The following SLC39A10 variants were observed in gnomAD, a reference collection of about 807,000 sequenced individuals.
SLC39A10 encodes the protein solute carrier family 39 member 10, also known as zinc transporter ZIP10.
In SLC39A10, 13 loss-of-function variants were observed where a neutral mutation model predicts 65.1. That is an observed-to-expected ratio of 0.20 (90% confidence interval 0.13 to 0.32). The LOEUF (loss-of-function observed/expected upper bound fraction) is 0.32, where lower values mean the gene tolerates loss of function less well. Among genes scored for constraint, SLC39A10 ranks in the 10% least tolerant of loss-of-function variants. The pLI, the probability that SLC39A10 is intolerant of heterozygous loss-of-function variation, is 1.00. For synonymous variants in SLC39A10, 321 were observed against 342.2 expected (o/e 0.94, Z 0.68); for missense variants, 831 against 1,018.4 (o/e 0.82, Z 2.50).
chr2:195,717,706 C>T (rs1212984564), intron 7 of SLC39A10, among the ~76,000 whole-genome samples: 2 of 152,062 alleles, frequency 1.3e-5, no homozygotes, highest in African/African-American at 4.8e-5. Flanking sequence ...AGGCATGAGC[C>T]ACCTGCTCAG....
At position 195,680,969 on chromosome 2, in the gene SLC39A10, A is replaced by C; in HGVS notation, c.927A>C (p.Arg309Ser). The C allele has an allele frequency of 6.2e-7, 1 of 1,614,134 alleles. No individual in the cohort carries two copies. ...PDNEGELRHT[R>S]KREAPHVKNN... The stretch of plus-strand genomic sequence containing the variant: ...ATGAAGGTGAACTTCGACATACTAG[A>C]AAGAGAGAAGCACCACATGTTAAAA... The change falls in exon 2 of 10, where the codon AGA becomes AGC. Residue 309 changes from arginine to serine, a missense_variant. Around this residue, in one of 4 missense-constraint regions of SLC39A10, gnomAD observed 446 missense variants for 499.2 expected, o/e 0.89. Coordinates refer to ENST00000359634, the MANE Select transcript of SLC39A10 (RefSeq NM_020342.3).
intron 9 of SLC39A10, among the ~76,000 whole-genome samples, chr2:195,731,407 T>C (rs1692429724): frequency 6.6e-6 from 1 of 152,202 alleles, no homozygotes. Flanking sequence ...CCTGCTTTAC[T>C]TTTTCTCCTT....
intron 1 of SLC39A10, chr2:195,671,822 C>G (rs562239709): frequency 6.6e-6 from 1 of 152,224 alleles, no homozygotes; most frequent in Non-Finnish European, 1.5e-5. Flanking sequence ...TTCTACTTCC[C>G]TTGATACTGA....
chr2:195,619,432 G>A (rs753313110), intron 2 of SLC39A10, among the ~76,000 whole-genome samples: 1 of 152,228 alleles, frequency 6.6e-6, no homozygotes, highest in Non-Finnish European at 1.5e-5. Context: ...GTTTGGGGAT[G>A]GAGAGATACT....
At chr2:195,633,436 G>A (rs1574206276) in intron 2 of SLC39A10, among the ~76,000 whole-genome samples, 1 of 152,328 alleles carries the variant, frequency 6.6e-6, no homozygotes, top group East Asian at 1.9e-4. Context: ...GAGTGGTACA[G>A]TGAGGCTCTT....
At chr2:195,659,223 C>T (rs1324445238) in intron 1 of SLC39A10, among the ~76,000 whole-genome samples, 9 of 152,152 alleles carry the variant, frequency 5.9e-5, no homozygotes, top group Non-Finnish European at 1.2e-4. Context: ...GCAAGAATGA[C>T]TTTGGTGCTA....
At chr2:195,715,160 A>C (rs1691743743) in intron 6 of SLC39A10, among the ~76,000 whole-genome samples, 1 of 152,202 alleles carries the variant, frequency 6.6e-6, no homozygotes, top group African/African-American at 2.4e-5. Context: ...TTTTAAAGAA[A>C]ATAAGTGATG....
At chr2:195,727,835 C>T (rs1692300407) in intron 8 of SLC39A10, among the ~76,000 whole-genome samples, 1 of 152,144 alleles carries the variant, frequency 6.6e-6, no homozygotes, top group South Asian at 2.1e-4. Context: ...ACAACCCTTG[C>T]CCCGTGCTCT....
chr2:195,707,927 T>C (rs1167724080), intron 4 of SLC39A10, among the ~76,000 whole-genome samples: 1 of 152,202 alleles, frequency 6.6e-6, no homozygotes, highest in Non-Finnish European at 1.5e-5. Flanking sequence ...ACTTATGTTC[T>C]ATAAGATTAC....
chr2:195,630,103 ATGTGTGTGTGTG>A (rs35865354), intron 2 of SLC39A10, among the ~76,000 whole-genome samples: 2 of 131,786 alleles, frequency 1.5e-5, no homozygotes, highest in African/African-American at 2.9e-5. Context: ...CTCATTTTAT[ATGTGTGTGTGTG>A]TGTGTGTGTG....
At chr2:195,630,758 A>G (rs1255851959) in intron 2 of SLC39A10, among the ~76,000 whole-genome samples, 2 of 152,254 alleles carry the variant, frequency 1.3e-5, no homozygotes, top group Non-Finnish European at 2.9e-5. Context: ...TCACACGACT[A>G]CTGGAAGAAC....
intron 8 of SLC39A10, among the ~76,000 whole-genome samples, chr2:195,722,376 T>A (rs1385204305): frequency 6.6e-6 from 1 of 152,172 alleles, no homozygotes; most frequent in Non-Finnish European, 1.5e-5. Flanking sequence ...CTTCTGGAGG[T>A]GACAGAAAGG....
intron 2 of SLC39A10, among the ~76,000 whole-genome samples, chr2:195,630,305 G>A (rs192954498): frequency 6.6e-5 from 10 of 152,060 alleles, no homozygotes; most frequent in Non-Finnish European, 1.0e-4. Context: ...TAGCATGTTT[G>A]TTGGTTTATT....
intron 2 of SLC39A10, among the ~76,000 whole-genome samples, chr2:195,637,557 A>T (rs1688718935): frequency 6.6e-6 from 1 of 152,228 alleles, no homozygotes. Flanking sequence ...CAGTCAAACA[A>T]TATTTGTATG....
chr2:195,653,612 G>T (rs1689085659), upstream of SLC39A10, among the ~76,000 whole-genome samples: 1 of 152,100 alleles, frequency 6.6e-6, no homozygotes, highest in South Asian at 2.1e-4. Context: ...GAATTTTAAA[G>T]TGAGGAGAAT....
intron 1 of SLC39A10, among the ~76,000 whole-genome samples, chr2:195,670,006 A>G (rs1689790798): frequency 6.6e-6 from 1 of 151,990 alleles, no homozygotes; most frequent in South Asian, 2.1e-4. Flanking sequence ...TAAAAATGCA[A>G]AAATTAGCTG....
chr2:195,657,338 C>G (rs1221642874), intron 1 of SLC39A10, 57 bp downstream of exon 1: 3 of 967,288 alleles, frequency 3.1e-6, no homozygotes, highest in Non-Finnish European at 3.7e-6. Context: ...GCCCCGTGCG[C>G]GGCGGAGACT....
At chr2:195,708,992 T>C (rs893773792) in intron 5 of SLC39A10, 148 bp downstream of exon 5, 4 of 613,718 alleles carry the variant, frequency 6.5e-6, no homozygotes, top group Non-Finnish European at 1.0e-5. Context: ...AAAAGCTGAC[T>C]TTGGTTTTTT....
At chr2:195,623,905 A>T (rs1688403395) in intron 2 of SLC39A10, among the ~76,000 whole-genome samples, 1 of 50,022 alleles carries the variant, frequency 2.0e-5, no homozygotes, top group East Asian at 8.3e-4. Flanking sequence ...AAAAAACCAC[A>T]CACACACACA....
Sources: gnomAD v4.1 joint callset for allele counts (sites outside exome capture counted in the v4.1 genomes callset) on GRCh38, gnomAD v4.1.1 for gene constraint, gnomAD v4.1.1 regional missense constraint, MANE v1.5 for transcripts, NCBI Gene and HGNC (gene_info 2026-07-23, HGNC 2026-07-21) for gene names.